MEI4: variants seen among roughly 807,000 people sequenced by gnomAD.
MEI4 encodes meiotic double-stranded break formation protein 4.
Under a neutral mutation model 31.4 loss-of-function variants are expected in MEI4, and 27 were observed. The ratio of observed to expected loss-of-function variants is 0.86; its 90% CI spans 0.63 to 1.19. MEI4 has a LOEUF of 1.19. Among genes scored for constraint, MEI4 ranks in the 50% most tolerant of loss-of-function variants. The pLI, the probability that MEI4 is intolerant of heterozygous loss-of-function variation, is 0.00. For missense variants in MEI4, 329 were observed against 398.9 expected (o/e 0.82, Z 1.49); for synonymous variants, 122 against 145.4 (o/e 0.84, Z 1.16).
chr6:77,910,383 C>T lies in MEI4; in HGVS notation c.901-12706C>T, dbSNP rs1581972269. ...AGTCTCAAGATTCAAAATCAATGTG[C>T]AAAAATCACAAGCATTCTTATACAC... is the stretch of plus-strand genomic sequence containing the variant. On this transcript the variant is annotated intron_variant, in intron 4 of 4. Coordinates refer to ENST00000684080, the MANE Select transcript of MEI4 (RefSeq NM_001322247.2). 2.0e-5 allele frequency among the ~76,000 whole-genome samples: 3 copies of T among 152,256 alleles called. No individual in the cohort carries two copies. The South Asian group carries it at 6.2e-4, about 32-fold the overall frequency.
intron 2 of MEI4, among the ~76,000 whole-genome samples, chr6:77,740,830 A>G (rs1767381967): frequency 6.6e-6 from 1 of 151,910 alleles, no homozygotes. Context: ...ATATATATAT[A>G]ATATGAATTC....
At chr6:77,900,551 C>T (rs1317628632) in intron 4 of MEI4, among the ~76,000 whole-genome samples, 3 of 151,680 alleles carry the variant, frequency 2.0e-5, no homozygotes, top group African/African-American at 7.3e-5. Flanking sequence ...GAATATAAGG[C>T]AGAATATTTA....
In MEI4 at chr6:77,924,360, G is replaced by T. The variant is rs1006973213; in HGVS notation, c.*1014G>T. ...AATGTATATACAATTATGTCATCTG[G>T]CACAAACAATTATCTTTGGAATTAT... On this transcript the variant is annotated 3_prime_UTR_variant, in exon 5 of 5. Coordinates refer to ENST00000684080, the MANE Select transcript of MEI4 (RefSeq NM_001322247.2). The T allele has an allele frequency of 3.3e-5, 5 of 151,702 alleles. No homozygotes were observed. The Admixed American group carries it at 3.3e-4, about 10-fold the overall frequency. The allele number at this position is 151,702 out of a possible 1,614,324, so 9.4% of individuals were successfully genotyped here.
chr6:77,686,119 A>G (rs1411007681), intron 1 of MEI4, among the ~76,000 whole-genome samples: 1 of 152,120 alleles, frequency 6.6e-6, no homozygotes, highest in East Asian at 1.9e-4. Flanking sequence ...GCCTTCTACC[A>G]TGAGTGAAAG....
At chr6:77,833,401 T>A (rs1454350219) in intron 4 of MEI4, among the ~76,000 whole-genome samples, 7 of 152,166 alleles carry the variant, frequency 4.6e-5, no homozygotes, top group Non-Finnish European at 1.0e-4. Flanking sequence ...TGAATTTTAT[T>A]AATAGCTTAT....
At chr6:77,702,398 T>C (rs1766246160) in intron 2 of MEI4, among the ~76,000 whole-genome samples, 1 of 152,244 alleles carries the variant, frequency 6.6e-6, no homozygotes, top group Non-Finnish European at 1.5e-5. Context: ...ATAAATTGTC[T>C]AATACAATAA....
At chr6:77,683,290 A>G (rs149332471) in intron 1 of MEI4, among the ~76,000 whole-genome samples, 97 of 152,304 alleles carry the variant, frequency 6.4e-4, no homozygotes, top group Middle Eastern at 6.8e-3. Flanking sequence ...GTATCAACAA[A>G]TAAAAATTTT....
chr6:77,775,283 C>G (rs371180513), intron 3 of MEI4, among the ~76,000 whole-genome samples: 4 of 152,002 alleles, frequency 2.6e-5, no homozygotes, highest in Non-Finnish European at 5.9e-5. Flanking sequence ...TTGGTTTTCC[C>G]GTTAAGCAGT....
intron 2 of MEI4, among the ~76,000 whole-genome samples, chr6:77,742,886 C>T (rs1471703117): frequency 6.6e-6 from 1 of 152,128 alleles, no homozygotes; most frequent in Non-Finnish European, 1.5e-5. Context: ...GACTCCTTTC[C>T]CCATTGCTTG....
At chr6:77,791,383 G>A (rs1768926235) in intron 3 of MEI4, among the ~76,000 whole-genome samples, 1 of 151,680 alleles carries the variant, frequency 6.6e-6, no homozygotes, top group East Asian at 1.9e-4. Context: ...CCTTTGTAGG[G>A]ACATGGATGA....
At chr6:77,804,176 C>A (rs550275948) in intron 3 of MEI4, among the ~76,000 whole-genome samples, 1 of 152,118 alleles carries the variant, frequency 6.6e-6, no homozygotes, top group Non-Finnish European at 1.5e-5. Context: ...CAATGGCGGA[C>A]GCCCCTCCCC....
intron 3 of MEI4, among the ~76,000 whole-genome samples, chr6:77,781,942 G>C (rs9443470): frequency 0.022 from 3,394 of 152,088 alleles, 129 homozygotes; most frequent in African/African-American, 0.078. Context: ...TCTCTGCAAT[G>C]GTTACCCACC....
At chr6:77,707,899 G>A (rs1312995476) in intron 2 of MEI4, among the ~76,000 whole-genome samples, 2 of 152,218 alleles carry the variant, frequency 1.3e-5, no homozygotes, top group Admixed American at 6.5e-5. Context: ...GAGTGAAGGA[G>A]GCTTGGCAGC....
intron 2 of MEI4, among the ~76,000 whole-genome samples, chr6:77,733,886 C>T (rs1489530411): frequency 6.6e-6 from 1 of 151,912 alleles, no homozygotes; most frequent in Admixed American, 6.6e-5. Context: ...TTGTTATGTA[C>T]CCAGTAGTCA....
intron 3 of MEI4, among the ~76,000 whole-genome samples, chr6:77,767,264 C>G (rs1258736253): frequency 1.3e-5 from 2 of 151,954 alleles, no homozygotes; most frequent in African/African-American, 4.8e-5. Flanking sequence ...CCTGTAGTCC[C>G]AGCTACTTGG....
chr6:77,924,474 A>T lies in MEI4; in HGVS notation c.*1128A>T, dbSNP rs568611756. ...GCTTTTGTTATGTGACAGATAGATA[A>T]TCAATCACAAAATATCTATCAGTGG... On this transcript the variant is annotated 3_prime_UTR_variant, in exon 5 of 5. Transcript: ENST00000684080. The T allele has an allele frequency of 1.3e-5, 2 of 151,434 alleles. No homozygotes were observed. The highest frequency in any genetic ancestry group is 2.9e-5 in the Non-Finnish European group (2 of 67,878). 9.4% of individuals were successfully genotyped at this position (151,434 alleles called of 1,614,324 possible).
intron 3 of MEI4, among the ~76,000 whole-genome samples, chr6:77,787,840 CAAAT>C (rs964015569): frequency 2.0e-5 from 3 of 151,988 alleles, no homozygotes; most frequent in African/African-American, 4.8e-5. Context: ...AATTAGAAGT[CAAAT>C]AAAGAAATAG....
chr6:77,889,492 A>G (rs4351217), intron 4 of MEI4, among the ~76,000 whole-genome samples: 41,879 of 152,026 alleles, frequency 0.28, 5,997 homozygotes, highest in East Asian at 0.36. Context: ...TATCTGGTGA[A>G]AGATATTTCT....
chr6:77,784,127 TG>T (rs1768669640), intron 3 of MEI4, among the ~76,000 whole-genome samples: 1 of 152,126 alleles, frequency 6.6e-6, no homozygotes, highest in African/African-American at 2.4e-5. Flanking sequence ...ACTGAATCTC[TG>T]GGAATGTGAA....
Sources: gnomAD v4.1 joint callset for allele counts (sites outside exome capture counted in the v4.1 genomes callset) on GRCh38, gnomAD v4.1.1 for gene constraint, MANE v1.5 for transcripts, NCBI Gene and HGNC (gene_info 2026-07-23, HGNC 2026-07-21) for gene names.